UNC13C: variants seen among roughly 807,000 people sequenced by gnomAD.
The protein encoded by UNC13C is unc-13 homolog C, also known as protein unc-13 homolog C.
In UNC13C, 174 loss-of-function variants were observed where a neutral mutation model predicts 245.4. The observed-to-expected ratio is 0.71, with a 90% confidence interval of 0.63 to 0.80. The LOEUF is 0.80. UNC13C is among the 30% of genes least tolerant of loss of function. The pLI, the probability that UNC13C is intolerant of heterozygous loss-of-function variation, is 0.00. For synonymous variants in UNC13C, 992 were observed against 895.1 expected, an observed-to-expected ratio of 1.11 and a Z score of -1.93; for missense variants, 2,829 against 2,602.9, an observed-to-expected ratio of 1.09 and a Z score of -1.89.
chr15:54,473,569 G>T lies in UNC13C; in HGVS notation c.4934-21039G>T, dbSNP rs1472749286. On this transcript the variant is annotated intron_variant, in intron 19 of 32. Transcript: ENST00000260323. ...TACCCTCTAACTCCATGAAATCAGCGATTTTAGCTCCCAAAATTTGTCTTT... is the reference window on the plus strand; with the variant it reads ...TACCCTCTAACTCCATGAAATCAGCTATTTTAGCTCCCAAAATTTGTCTTT... Among the ~76,000 whole-genome samples the T allele has an allele frequency of 2.6e-5, 4 of 151,510 alleles. No individual in the cohort carries two copies. The South Asian group carries it at 6.2e-4, about 24-fold the overall frequency.
chr15:54,382,136 C>A (rs925709691), intron 17 of UNC13C, among the ~76,000 whole-genome samples: 2 of 152,114 alleles, frequency 1.3e-5, no homozygotes, highest in Non-Finnish European at 2.9e-5. Flanking sequence ...CAACACACTC[C>A]TGAATGACCA....
chr15:53,884,152 G>A, the UNC13C span, among the ~76,000 whole-genome samples: 3 of 152,104 alleles, frequency 2.0e-5, no homozygotes, highest in African/African-American at 7.2e-5. Context: ...GGCTGGGAGG[G>A]ATGGACCACA....
At chr15:53,969,777 G>A in the UNC13C span, among the ~76,000 whole-genome samples, 1 of 151,476 alleles carries the variant, frequency 6.6e-6, no homozygotes, top group Non-Finnish European at 1.5e-5. Flanking sequence ...AGTGCACAGT[G>A]TTAAGTATAT....
Position 54,258,456 on chromosome 15 carries a change from C to G in UNC13C, c.3449-5712C>G, listed in dbSNP as rs149134522. Among the ~76,000 whole-genome samples the G allele has an allele frequency of 8.9e-3, 1,351 of 152,194 alleles. 24 individuals carry two copies. Among genetic ancestry groups the G allele is most frequent in the African/African-American group, 0.031 (1,308 of 41,540 alleles). On this transcript the variant is annotated intron_variant, in intron 8 of 32. Transcript: ENST00000260323. The stretch of plus-strand genomic sequence containing the variant: ...TCGGCTCAGTGCAACCTTCACCTGC[C>G]GGGTTCAAGCCATTCTCCTGCCTCA...
intron 17 of UNC13C, among the ~76,000 whole-genome samples, chr15:54,391,827 A>G (rs1014232509): frequency 2.0e-5 from 3 of 152,104 alleles, no homozygotes; most frequent in Non-Finnish European, 4.4e-5. Flanking sequence ...TCACTATAGG[A>G]CTGTCTTTCA....
chr15:53,879,079 G>A, the UNC13C span, among the ~76,000 whole-genome samples: 2 of 152,020 alleles, frequency 1.3e-5, no homozygotes, highest in African/African-American at 4.8e-5. Flanking sequence ...TGTAAAAATA[G>A]TACATAAAAA....
At position 54,305,777 on chromosome 15, in the gene UNC13C, G is replaced by A. The variant is rs572404980; in HGVS notation, c.4268+5404G>A. Among the ~76,000 whole-genome samples, 3 of 152,018 alleles carry A rather than the reference G, an allele frequency of 2.0e-5. No individual in the cohort carries two copies. The East Asian group carries it at 5.8e-4, about 30-fold the overall frequency. On this transcript the variant is annotated intron_variant, in intron 13 of 32. Transcript: ENST00000260323. ...AAATGCTGTCTTTTCTCTATAATAAGGATACTTAACCATTTTCGAAAAAGA... is the reference window on the plus strand; with the variant it reads ...AAATGCTGTCTTTTCTCTATAATAAAGATACTTAACCATTTTCGAAAAAGA...
At chr15:53,871,315 C>G in the UNC13C span, among the ~76,000 whole-genome samples, 1 of 152,072 alleles carries the variant, frequency 6.6e-6, no homozygotes. Context: ...TGTCTTGTGA[C>G]TTTTGCCTAT....
intron 30 of UNC13C, among the ~76,000 whole-genome samples, chr15:54,604,321 G>A (rs1899631280): frequency 6.6e-6 from 1 of 152,078 alleles, no homozygotes; most frequent in East Asian, 1.9e-4. Context: ...TCTAATACCT[G>A]TAGTTTACTT....
Position 54,360,469 on chromosome 15 carries a change from T to G in UNC13C, c.4713+21980T>G, listed in dbSNP as rs141477440. Among the ~76,000 whole-genome samples the G allele has an allele frequency of 2.8e-3, 426 of 152,226 alleles. 8 individuals are homozygous for G. In the East Asian group the frequency reaches 0.056, roughly 20 times the overall value. ...GTCTATTAATATAGTATTTATATTT[T>G]TAGGTGCTCTGATATTGGGTACATA... On this transcript the variant is annotated intron_variant, in intron 17 of 32. Transcript: ENST00000260323.
intron 18 of UNC13C, among the ~76,000 whole-genome samples, chr15:54,405,292 TC>T (rs932131076): frequency 3.6e-4 from 55 of 152,266 alleles, no homozygotes; most frequent in African/African-American, 1.3e-3. Context: ...GAAATTGCTG[TC>T]TTTTGGAATG....
At chr15:54,324,706 G>T (rs1441442350) in intron 14 of UNC13C, among the ~76,000 whole-genome samples, 1 of 151,990 alleles carries the variant, frequency 6.6e-6, no homozygotes, top group Non-Finnish European at 1.5e-5. Context: ...GAAAAGGGTA[G>T]TATATCATAT....
chr15:53,890,948 T>G, the UNC13C span, among the ~76,000 whole-genome samples: 6 of 152,224 alleles, frequency 3.9e-5, no homozygotes, highest in African/African-American at 1.4e-4. Context: ...TCTTTTAATT[T>G]TGATTTTAGG....
intron 29 of UNC13C, among the ~76,000 whole-genome samples, chr15:54,560,196 A>C (rs1897246015): frequency 6.6e-6 from 1 of 151,954 alleles, no homozygotes; most frequent in Non-Finnish European, 1.5e-5. Flanking sequence ...AGAACAAAGT[A>C]ATGATGGAAA....
chr15:54,189,785 A>T (rs1296303250), intron 4 of UNC13C, among the ~76,000 whole-genome samples: 1 of 152,078 alleles, frequency 6.6e-6, no homozygotes, highest in Non-Finnish European at 1.5e-5. Context: ...TCCATAAAGG[A>T]GAGAAATACA....
chr15:53,878,001 C>T, the UNC13C span, among the ~76,000 whole-genome samples: 1 of 152,170 alleles, frequency 6.6e-6, no homozygotes, highest in Non-Finnish European at 1.5e-5. Context: ...TTAGATTCAA[C>T]ATGTTGATCT....
In UNC13C at chr15:54,506,285, A is replaced by G. The variant is rs143421223; in HGVS notation, c.5302-832A>G. Among the ~76,000 whole-genome samples, 259 of 152,298 alleles carry G rather than the reference A, an allele frequency of 1.7e-3. 2 individuals carry two copies. The highest frequency in any genetic ancestry group is 5.7e-3 in the African/African-American group (239 of 41,586). On this transcript the variant is annotated intron_variant, in intron 22 of 32. Transcript: ENST00000260323. ...ATTCTTCAAGTTTATAATGTCATCA[A>G]GAAGCTGTAGATTGAGAGTAGTATT... is the stretch of plus-strand genomic sequence containing the variant.
intron 24 of UNC13C, among the ~76,000 whole-genome samples, chr15:54,520,016 G>A (rs764816444): frequency 3.0e-4 from 45 of 152,214 alleles, no homozygotes; most frequent in Non-Finnish European, 1.2e-4. Context: ...ATTGTGAGAA[G>A]TTGCTTGAAG....
At chr15:54,460,179 C>T (rs553062696) in intron 19 of UNC13C, among the ~76,000 whole-genome samples, 19 of 152,272 alleles carry the variant, frequency 1.2e-4, no homozygotes, top group African/African-American at 4.6e-4. Flanking sequence ...TTTGTCCACC[C>T]AGTAGGGCTA....
Sources: allele counts gnomAD v4.1 joint callset (sites outside exome capture counted in the v4.1 genomes callset), GRCh38; gene constraint gnomAD v4.1.1; transcripts MANE v1.5; gene names NCBI Gene and HGNC (gene_info 2026-07-23, HGNC 2026-07-21).